Variants in ADPRHL1 observed in about 807,000 individuals in gnomAD.
The protein encoded by ADPRHL1 is inactive ADP-ribosyltransferase ARH2.
Under a neutral mutation model 44.1 loss-of-function variants are expected in ADPRHL1, and 43 were observed. That is an observed-to-expected ratio of 0.98 (90% CI 0.76 to 1.26). The LOEUF (loss-of-function observed/expected upper bound fraction) is 1.26, where lower values mean the gene tolerates loss of function less well. ADPRHL1 is among the 50% of genes most tolerant of loss of function. ADPRHL1 has a pLI of 0.00. For missense variants in ADPRHL1, 2,022 were observed against 2,496.9 expected, an observed-to-expected ratio of 0.81 and a Z score of 4.05; for synonymous variants, 878 against 1,017.4, an observed-to-expected ratio of 0.86 and a Z score of 2.61.
rs1230980701 is a variant in ADPRHL1, at chr13:113,441,860, G to A, written c.379+2565C>T. ...GTTGTGTCCCGCCGCGTGGGTCCGT[G>A]TCACTATCACACTCTGTCCCCACCC... On this transcript the variant is annotated intron_variant, in intron 2 of 7. Coordinates refer to ENST00000612156, the MANE Select transcript of ADPRHL1 (RefSeq NM_001394807.1). This position sits in a 1 kb window ranked among gnomAD's most constrained non-coding sequence, Gnocchi z 6.0. Among the ~76,000 whole-genome samples the A allele has an allele frequency of 6.6e-6, 1 of 151,566 alleles. No individual in the cohort carries two copies. The highest frequency in any genetic ancestry group is 1.5e-5 in the Non-Finnish European group (1 of 67,938).
intron 3 of ADPRHL1, among the ~76,000 whole-genome samples, chr13:113,431,158 T>C (rs1272666482): frequency 6.6e-6 from 1 of 152,060 alleles, no homozygotes; most frequent in Non-Finnish European, 1.5e-5. Context: ...CTGCGGTGGG[T>C]GCCGCGTGCG....
intron 7 of ADPRHL1, among the ~76,000 whole-genome samples, chr13:113,421,319 C>T (rs1376684634): frequency 4.4e-5 from 6 of 137,146 alleles, no homozygotes; most frequent in South Asian, 2.3e-4. Context: ...ACACGCCCAC[C>T]CCGGGACACG....
Position 113,412,745 on chromosome 13 carries a change from C to T in ADPRHL1, c.1062-4525G>A, listed in dbSNP as rs190935164. ...TTCACCCACCGCCAACAGTGCCCCG[C>T]GGAGCTCGGTTCACCCACCGCCAAC... is the stretch of plus-strand genomic sequence containing the variant. On this transcript the variant is annotated intron_variant, in intron 7 of 7. Coordinates refer to ENST00000612156, the MANE Select transcript of ADPRHL1 (RefSeq NM_001394807.1). Among the ~76,000 whole-genome samples the T allele has an allele frequency of 8.7e-5, 13 of 149,796 alleles. No homozygotes were observed. The South Asian group carries it at 1.5e-3, about 17-fold the overall frequency.
intron 1 of ADPRHL1, among the ~76,000 whole-genome samples, chr13:113,448,674 T>TGGCCAGGA (rs143776986): frequency 0.33 from 50,283 of 151,804 alleles, 10,127 homozygotes; most frequent in African/African-American, 0.56. Flanking sequence ...CTGGAGGCTG[T>TGGCCAGGA]GGCCAGGTGA....
In ADPRHL1 at chr13:113,406,802, G is replaced by A. The variant is rs953131961; in HGVS notation, c.2480C>T (p.Ser827Leu). Residue 827 changes from serine to leucine, a missense_variant, in exon 8 of 8, where the codon TCG becomes TTG. Physicochemically the swap from Ser to Leu is moderately radical, Grantham distance 145. Around this residue, in one of 8 missense-constraint regions of ADPRHL1, gnomAD observed 1,221 missense variants for 1,517.8 expected, o/e 0.80. Transcript: ENST00000612156. Reference protein sequence around the residue: ...PEHIPPLNAPSVQAARRTQPA... With the variant: ...PEHIPPLNAPLVQAARRTQPA... ...CTGTGTTCTCCGAGCAGCCTGGACC[G>A]ATGGAGCGTTCAGGGGTGGGATGTG... 12 of 1,231,942 alleles carry A rather than the reference G, an allele frequency of 9.7e-6. No individual in the cohort carries two copies. Among genetic ancestry groups the A allele is most frequent in the African/African-American group, 4.7e-5 (3 of 64,438 alleles). The allele number at this position is 1,231,942 out of a possible 1,614,324, so 76.3% of individuals were successfully genotyped here. A position where few individuals can be genotyped will look rare whatever the true frequency, so the allele number is the denominator to read the frequency against.
rs188538537 is a variant in ADPRHL1 at position 113,407,654 on chromosome 13, C to G, written c.1628G>C (p.Gly543Ala). The G allele has an allele frequency of 1.2e-3, 1,535 of 1,232,076 alleles. 9 individuals carry two copies. The highest frequency in any genetic ancestry group is 7.2e-4 in the Non-Finnish European group (707 of 987,996). 76.3% of individuals were successfully genotyped at this position (1,232,076 alleles called of 1,614,324 possible). ...CAGCTTGGACAGCACCGAGCTCTTG[C>G]CCATGATCTTCGGCAAGAGGCCCCT... ...AARGLLPKIM[G>A]KSSVLSKLRE... Residue 543 changes from glycine to alanine, a missense_variant, in exon 8 of 8, where the codon GGC (glycine) becomes GCC (alanine). This residue lies in a region of ADPRHL1 where 1,221 missense variants were observed against 1,517.8 expected (regional missense o/e 0.80). Coordinates refer to ENST00000612156, the MANE Select transcript of ADPRHL1 (RefSeq NM_001394807.1).
At position 113,453,346 on chromosome 13, in the gene ADPRHL1, A is replaced by G. The variant is rs370999543; in HGVS notation, c.92T>C (p.Met31Thr). 16 of 1,614,044 alleles carry G rather than the reference A, an allele frequency of 9.9e-6. No individual in the cohort carries two copies. The African/African-American group carries it at 2.0e-4, about 20-fold the overall frequency. Reference protein sequence around the residue: ...NVCKENSTVGMKIQEELQRSG... With the variant: ...NVCKENSTVGTKIQEELQRSG... Reference sequence around the variant, plus strand: ...ACGTTGCAGCTCCTCCTGGATCTTCATGCCTACAGTGCTGTTCTCCTTGCA... The same window carrying G: ...ACGTTGCAGCTCCTCCTGGATCTTCGTGCCTACAGTGCTGTTCTCCTTGCA... The change falls in exon 1 of 8, where the codon ATG (methionine) becomes ACG (threonine). Residue 31 changes from methionine (M) to threonine (T), a missense_variant. Physicochemically the swap from Met to Thr is moderately conservative, Grantham distance 81. Coordinates refer to ENST00000612156, the MANE Select transcript of ADPRHL1 (RefSeq NM_001394807.1). The surrounding 1 kb of genome is among the most constrained non-coding windows in gnomAD (Gnocchi z 5.4).
At chr13:113,430,247 T>C (rs1170683021) in intron 3 of ADPRHL1, among the ~76,000 whole-genome samples, 1 of 152,146 alleles carries the variant, frequency 6.6e-6, no homozygotes, top group Non-Finnish European at 1.5e-5. Flanking sequence ...ATCCTGGCCA[T>C]AATGAGGCTA....
intron 7 of ADPRHL1, 129 bp downstream of exon 7, chr13:113,422,697 T>A (rs975055649): frequency 3.5e-6 from 4 of 1,136,414 alleles, no homozygotes; most frequent in Non-Finnish European, 3.8e-6. Flanking sequence ...GAGAGTTAGA[T>A]GTGGCCAGTC....
rs2043775844 is a variant in ADPRHL1, at chr13:113,403,225, A to C, written c.*153T>G. 1.5e-6 allele frequency: 1 copy of C among 659,470 alleles called. No individual in the cohort carries two copies. The highest frequency in any genetic ancestry group is 2.1e-6 in the Non-Finnish European group (1 of 466,500). 40.9% of individuals were successfully genotyped at this position (659,470 alleles called of 1,614,324 possible). On this transcript the variant is annotated 3_prime_UTR_variant, in exon 8 of 8. Coordinates refer to ENST00000612156, the MANE Select transcript of ADPRHL1 (RefSeq NM_001394807.1). ...GACCCACATGTAGCTCAATCCTCCC[A>C]AGGTCAGCTTGTGAAGAAGGGAAAG...
intron 1 of ADPRHL1, among the ~76,000 whole-genome samples, chr13:113,448,780 A>G (rs1456861291): frequency 6.6e-6 from 1 of 152,212 alleles, no homozygotes; most frequent in Non-Finnish European, 1.5e-5. Flanking sequence ...GCCTGCACCA[A>G]CTTCCCACAC....
In ADPRHL1 at chr13:113,403,201, A is replaced by G. The variant is rs2139588197; in HGVS notation, c.*177T>C. The G allele has an allele frequency of 1.9e-6, 1 of 525,412 alleles. No individual in the cohort carries two copies. Among genetic ancestry groups the G allele is most frequent in the South Asian group, 1.0e-4 (1 of 9,698 alleles). 32.5% of individuals were successfully genotyped at this position (525,412 alleles called of 1,614,324 possible). A position where few individuals can be genotyped will look rare whatever the true frequency, so the allele number is the denominator to read the frequency against. On this transcript the variant is annotated 3_prime_UTR_variant, in exon 8 of 8. Transcript: ENST00000612156. Reference sequence around the variant, plus strand: ...GGCTCTGTGGGGTGACAGGAACCCGACCCACATGTAGCTCAATCCTCCCAA... The same window carrying G: ...GGCTCTGTGGGGTGACAGGAACCCGGCCCACATGTAGCTCAATCCTCCCAA...
chr13:113,406,393 C>G lies in ADPRHL1; in HGVS notation c.2889G>C (p.Glu963Asp), dbSNP rs2043808891. Reference protein sequence around the residue: ...AGGKENKGSFENSHGPRNPDD... With the variant: ...AGGKENKGSFDNSHGPRNPDD... Reference sequence around the variant, plus strand: ...CAGGATTCCTGGGACCGTGTGAATTCTCAAAGCTGCCTTTGTTTTCCTTCC... The same window carrying G: ...CAGGATTCCTGGGACCGTGTGAATTGTCAAAGCTGCCTTTGTTTTCCTTCC... Residue 963 changes from glutamate (E) to aspartate (D), a missense_variant, in exon 8 of 8, where the codon GAG (glutamate) becomes GAC (aspartate). Physicochemically the swap from Glu to Asp is conservative, Grantham distance 45. This residue lies in a region of ADPRHL1 where 1,221 missense variants were observed against 1,517.8 expected (regional missense o/e 0.80). Transcript: ENST00000612156. 5 of 1,231,986 alleles carry G rather than the reference C, an allele frequency of 4.1e-6. No homozygotes were observed. The Middle Eastern group carries it at 9.3e-4, about 229-fold the overall frequency. 76.3% of individuals were successfully genotyped at this position (1,231,986 alleles called of 1,614,324 possible).
chr13:113,447,203 T>G, intron 1 of ADPRHL1, among the ~76,000 whole-genome samples: 1 of 136,998 alleles, frequency 7.3e-6, no homozygotes, highest in Admixed American at 7.3e-5. Flanking sequence ...CACGGTGTTG[T>G]GTGTGCATGG....
At chr13:113,420,121 G>A (rs900795117) in intron 7 of ADPRHL1, among the ~76,000 whole-genome samples, 3 of 152,190 alleles carry the variant, frequency 2.0e-5, no homozygotes, top group South Asian at 2.1e-4. Flanking sequence ...CTGTGCACAC[G>A]TCATTTTTAT....
rs2043821689 is a variant in ADPRHL1 at position 113,407,974 on chromosome 13, G to A, written c.1308C>T (p.Phe436=). 1.6e-6 allele frequency: 2 copies of A among 1,232,030 alleles called. No homozygotes were observed. Among genetic ancestry groups the A allele is most frequent in the South Asian group, 4.1e-5 (1 of 24,326 alleles). The allele number at this position is 1,232,030 out of a possible 1,614,324, so 76.3% of individuals were successfully genotyped here. The change falls in exon 8 of 8, where the codon TTC becomes TTT. Residue 436 remains phenylalanine, a synonymous_variant. Coordinates refer to ENST00000612156, the MANE Select transcript of ADPRHL1 (RefSeq NM_001394807.1). ...GGTAGCGCTCCCGGCCAGTGCCCAG[G>A]AACTTGGCCTGCAGGAGCTGGAAGC... ...PTRFQLLQAK[F]LGTGRERYLK... is the part of the protein sequence containing the mutation.
chr13:113,409,975 T>C lies in ADPRHL1; in HGVS notation c.1062-1755A>G, dbSNP rs2139599789. 1.0e-6 allele frequency: 1 copy of C among 985,270 alleles called. No homozygotes were observed. Among genetic ancestry groups the C allele is most frequent in the Middle Eastern group, 5.2e-4 (1 of 1,912 alleles). 61.0% of individuals were successfully genotyped at this position (985,270 alleles called of 1,614,324 possible). A position where few individuals can be genotyped will look rare whatever the true frequency, so the allele number is the denominator to read the frequency against. ...TGTGAACATACTTCTCTTTTTGTGT[T>C]TGTCTGCATTTTTCCAAAAGAGAGA... On this transcript the variant is annotated intron_variant, in intron 7 of 7. Coordinates refer to ENST00000612156, the MANE Select transcript of ADPRHL1 (RefSeq NM_001394807.1). The surrounding 1 kb of genome is among the most constrained non-coding windows in gnomAD (Gnocchi z 4.2).
rs1424308807 is a variant in ADPRHL1, at chr13:113,422,840, CAG to C, written c.1045_1046del (p.Leu349ValfsTer14). ...AATGGCTTTACTTCTCCTCTGTGGA[CAG>C]GCGGTAGAGAGCCGCGCCCAGGTCC... ...LEDLGAALYRLSTEENRKSSK... is the reference protein window; with the variant it reads ...LEDLGAALYRXSTEENRKSSK... On this transcript the variant is annotated frameshift_variant, in exon 7 of 8. Coordinates refer to ENST00000612156, the MANE Select transcript of ADPRHL1 (RefSeq NM_001394807.1). LOFTEE classifies it low-confidence loss of function (END_TRUNC). The C allele has an allele frequency of 1.2e-6, 2 of 1,612,814 alleles. No individual in the cohort carries two copies. Among genetic ancestry groups the C allele is most frequent in the Non-Finnish European group, 1.7e-6 (2 of 1,179,974 alleles).
At position 113,407,703 on chromosome 13, in the gene ADPRHL1, G is replaced by T; in HGVS notation, c.1579C>A (p.Pro527Thr). The part of the protein sequence containing the change: ...AKEKEAREKP[P>T]VERPKAARGL... ...CTGGCGGCTTTGGGCCGCTCCACAG[G>T]GGGCTTCTCGCGTGCTTCTTTCTCC... Residue 527 changes from proline to threonine, a missense_variant, in exon 8 of 8, where the codon CCT becomes ACT. Transcript: ENST00000612156. 1 of 1,232,088 alleles carries T rather than the reference G, an allele frequency of 8.1e-7. No homozygotes were observed. The highest frequency in any genetic ancestry group is 4.1e-5 in the South Asian group (1 of 24,322). The allele number at this position is 1,232,088 out of a possible 1,614,324, so 76.3% of individuals were successfully genotyped here. A position where few individuals can be genotyped will look rare whatever the true frequency, so the allele number is the denominator to read the frequency against.
Sources: allele counts gnomAD v4.1 joint callset (sites outside exome capture counted in the v4.1 genomes callset), GRCh38; gene constraint gnomAD v4.1.1; regional missense constraint gnomAD v4.1.1; non-coding constraint Gnocchi (gnomAD v3.1); transcripts MANE v1.5; gene names NCBI Gene and HGNC (gene_info 2026-07-23, HGNC 2026-07-21).